Variants in ITPR1 observed in about 807,000 individuals in gnomAD.
The protein encoded by ITPR1 is inositol 1,4,5-trisphosphate-gated calcium channel ITPR1.
ITPR1 carries 96 observed loss-of-function variants against 318.4 expected under a neutral mutation model. The ratio of observed to expected loss-of-function variants is 0.30; its 90% CI spans 0.26 to 0.36. The LOEUF (loss-of-function observed/expected upper bound fraction) is 0.36. Ranked by LOEUF, ITPR1 falls within the 10% of genes least tolerant of loss-of-function variation. The pLI, the probability that ITPR1 is intolerant of heterozygous loss-of-function variation, is 1.00. For missense variants in ITPR1, 2,440 were observed against 3,460.2 expected (o/e 0.71, Z 7.40); for synonymous variants, 1,312 against 1,289.9 (o/e 1.02, Z -0.37).
In ITPR1 at chr3:4,800,500, C is replaced by T. The variant is rs770082579; in HGVS notation, c.7007C>T (p.Pro2336Leu). 11 of 1,614,024 alleles carry T rather than the reference C, an allele frequency of 6.8e-6. No homozygotes were observed. Among genetic ancestry groups the T allele is most frequent in the Non-Finnish European group, 9.3e-6 (11 of 1,179,880 alleles). The change falls in exon 54 of 62, where the codon CCC (proline) becomes CTC (leucine). Residue 2336 changes from proline to leucine, a missense_variant. Around this residue, in one of 23 missense-constraint regions of ITPR1, gnomAD observed 126 missense variants for 150.8 expected, o/e 0.84. Transcript: ENST00000649015. ...TCTCTGGCCATCGTCATTGCCCTCCCCAAGCCCCATGGCATCCGGGCCTTA... is the reference window on the plus strand; with the variant it reads ...TCTCTGGCCATCGTCATTGCCCTCCTCAAGCCCCATGGCATCCGGGCCTTA... ...LISLAIVIAL[P>L]KPHGIRALIA...
chr3:4,768,147 T>C (rs1438657400), intron 45 of ITPR1: 1 of 191,280 alleles, frequency 5.2e-6, no homozygotes, highest in Non-Finnish European at 1.1e-5. Flanking sequence ...ATTAGCATTA[T>C]GTTGAGCTTC....
intron 4 of ITPR1, among the ~76,000 whole-genome samples, chr3:4,586,617 C>T (rs1412024771): frequency 6.6e-6 from 1 of 151,480 alleles, no homozygotes; most frequent in African/African-American, 2.4e-5. Flanking sequence ...TCAAGCCATC[C>T]TCCCACCTCA....
rs568940772 is a variant in ITPR1 at position 4,619,738 on chromosome 3, C to T, written c.164-8025C>T. 7.0e-4 allele frequency among the ~76,000 whole-genome samples: 28 copies of T among 39,816 alleles called. 7 individuals are homozygous for T. Among genetic ancestry groups the T allele is most frequent in the African/African-American group, 1.2e-3 (9 of 7,704 alleles). 26.1% of individuals were successfully genotyped at this position (39,816 alleles called of 152,430 possible). On this transcript the variant is annotated intron_variant, in intron 4 of 61. Transcript: ENST00000649015. ...CTCCCCTGCTCTCCTCTGCTCTCCC[C>T]TGCTCTCCTCTGCCCTCCCCTCCTC...
intron 4 of ITPR1, among the ~76,000 whole-genome samples, chr3:4,523,118 T>G (rs1393877730): frequency 6.6e-6 from 1 of 152,194 alleles, no homozygotes; most frequent in Non-Finnish European, 1.5e-5. Context: ...TGATCTAGGT[T>G]TCGCTTTTGC....
chr3:4,620,459 G>A (rs1453044098), intron 4 of ITPR1, among the ~76,000 whole-genome samples: 1 of 152,134 alleles, frequency 6.6e-6, no homozygotes, highest in East Asian at 1.9e-4. Context: ...TGTCACCCTT[G>A]ATGCCTGGAG....
chr3:4,731,464 A>G (rs2042921787), intron 42 of ITPR1, among the ~76,000 whole-genome samples: 2 of 152,200 alleles, frequency 1.3e-5, no homozygotes. Context: ...GAGTTTCATG[A>G]GCTGATAGAA....
chr3:4,721,858 G>C (rs1392552571), intron 40 of ITPR1, among the ~76,000 whole-genome samples: 3 of 152,184 alleles, frequency 2.0e-5, no homozygotes, highest in Admixed American at 6.5e-5. Context: ...CGGATGGATG[G>C]ATGTGCGTGG....
chr3:4,706,080 G>T, intron 36 of ITPR1, 87 bp from the exon 37 acceptor site: 4 of 1,437,260 alleles, frequency 2.8e-6, no homozygotes, highest in South Asian at 2.5e-5. Context: ...TGAAAAACCT[G>T]CTGGATGGGG....
rs777182377 is a variant in ITPR1, at chr3:4,697,400, C to G, written c.4407+128C>G. 27 of 829,620 alleles carry G rather than the reference C, an allele frequency of 3.3e-5. No individual in the cohort carries two copies. In the Middle Eastern group the frequency reaches 1.0e-3, roughly 31 times the overall value. The allele number at this position is 829,620 out of a possible 1,614,324, so 51.4% of individuals were successfully genotyped here. A position where few individuals can be genotyped will look rare whatever the true frequency, so the allele number is the denominator to read the frequency against. On this transcript the variant is annotated intron_variant, in intron 34 of 61. Coordinates refer to ENST00000649015, the MANE Select transcript of ITPR1 (RefSeq NM_001378452.1). ...AGAAAACAGCTGCATCATTTCTACTCTAATCCGTGGCATGAGGAGGCACTT... is the reference window on the plus strand; with the variant it reads ...AGAAAACAGCTGCATCATTTCTACTGTAATCCGTGGCATGAGGAGGCACTT...
At chr3:4,625,751 G>A (rs2092805494) in intron 4 of ITPR1, among the ~76,000 whole-genome samples, 1 of 152,048 alleles carries the variant, frequency 6.6e-6, no homozygotes, top group Non-Finnish European at 1.5e-5. Context: ...TAGAGGCGGG[G>A]TTTCACCATG....
At chr3:4,496,627 C>G (rs1438650301) in intron 2 of ITPR1, among the ~76,000 whole-genome samples, 2 of 152,126 alleles carry the variant, frequency 1.3e-5, no homozygotes, top group Non-Finnish European at 2.9e-5. Flanking sequence ...GATCAAGAGT[C>G]TTTTCTTCAA....
At chr3:4,585,972 A>G (rs1575613852) in intron 4 of ITPR1, among the ~76,000 whole-genome samples, 1 of 121,338 alleles carries the variant, frequency 8.2e-6, no homozygotes, top group Admixed American at 1.2e-4. Flanking sequence ...CCTTGTGTCC[A>G]TGTGTTCTCA....
At chr3:4,498,832 T>C (rs1181185254) in intron 2 of ITPR1, among the ~76,000 whole-genome samples, 2 of 152,210 alleles carry the variant, frequency 1.3e-5, no homozygotes, top group East Asian at 3.8e-4. Context: ...CCACCCTGCG[T>C]TGTATCCAGT....
chr3:4,764,401 A>G (rs375448388), intron 44 of ITPR1, among the ~76,000 whole-genome samples: 6 of 152,194 alleles, frequency 3.9e-5, no homozygotes, highest in African/African-American at 1.4e-4. Context: ...TCAAATAATC[A>G]TGGAGTGCCT....
intron 6 of ITPR1, 69 bp from the exon 7 acceptor site, chr3:4,642,024 A>C: frequency 3.1e-6 from 4 of 1,302,640 alleles, no homozygotes; most frequent in Non-Finnish European, 4.2e-6. Context: ...AGTTGGTATG[A>C]TTGAGAGAAG....
intron 45 of ITPR1, 65 bp downstream of exon 45, chr3:4,766,775 A>G: frequency 7.8e-7 from 1 of 1,277,644 alleles, no homozygotes. Flanking sequence ...GTTATCCTTC[A>G]TTGTTTTCAT....
intron 4 of ITPR1, among the ~76,000 whole-genome samples, chr3:4,540,578 GTA>G (rs1164107117): frequency 1.3e-5 from 2 of 152,052 alleles, no homozygotes; most frequent in African/African-American, 4.8e-5. Flanking sequence ...GTGTGTGTGT[GTA>G]TGTGTGTGTG....
intron 44 of ITPR1, among the ~76,000 whole-genome samples, chr3:4,765,650 T>A (rs892370421): frequency 1.3e-5 from 2 of 152,176 alleles, no homozygotes; most frequent in African/African-American, 4.8e-5. Context: ...GCAAATATAT[T>A]GTTGGGAGCT....
At chr3:4,516,089 T>G (rs2082151389) in intron 2 of ITPR1, among the ~76,000 whole-genome samples, 1 of 152,214 alleles carries the variant, frequency 6.6e-6, no homozygotes, top group South Asian at 2.1e-4. Context: ...GCAAATTGAA[T>G]ATGTTAATGT....
Sources: gnomAD v4.1 joint callset for allele counts (sites outside exome capture counted in the v4.1 genomes callset) on GRCh38, gnomAD v4.1.1 for gene constraint, gnomAD v4.1.1 regional missense constraint, MANE v1.5 for transcripts, NCBI Gene and HGNC (gene_info 2026-07-23, HGNC 2026-07-21) for gene names.